Variants in UGT1A9 observed in about 807,000 individuals in gnomAD.
UGT1A9 encodes the protein UDP glucuronosyltransferase family 1 member A9, also known as UDP-glucuronosyltransferase 1A9.
UGT1A9 carries 35 observed loss-of-function variants against 45.0 expected under a neutral mutation model. That is an observed-to-expected ratio of 0.78 (90% CI 0.59 to 1.03). The LOEUF is 1.03. UGT1A9 is among the 50% of genes least tolerant of loss of function. The pLI, the probability that UGT1A9 is intolerant of heterozygous loss-of-function variation, is 0.00. For synonymous variants in UGT1A9, 278 were observed against 250.6 expected (o/e 1.11, Z -1.03); for missense variants, 687 against 666.6 (o/e 1.03, Z -0.34).
At chr2:233,725,059 C>T (rs1273678780) in intron 1 of UGT1A9, among the ~76,000 whole-genome samples, 8 of 146,980 alleles carry the variant, frequency 5.4e-5, no homozygotes, top group African/African-American at 1.0e-4. Flanking sequence ...TGGCGGCGCG[C>T]GCCTGCAATC....
rs370790922 is a variant in UGT1A9 at position 233,760,312 on chromosome 2, C to T, written c.856-6722C>T. ...CATGGCTGTGGAGTCCCAGGGCGGACGCCCACTTGTCCTGGGCCTGCTGCT... is the reference window on the plus strand; with the variant it reads ...CATGGCTGTGGAGTCCCAGGGCGGATGCCCACTTGTCCTGGGCCTGCTGCT... On this transcript the variant is annotated intron_variant, in intron 1 of 4. Coordinates refer to ENST00000354728, the MANE Select transcript of UGT1A9 (RefSeq NM_021027.3). 93 of 1,613,694 alleles carry T rather than the reference C, an allele frequency of 5.8e-5. No individual in the cohort carries two copies. Among genetic ancestry groups the T allele is most frequent in the South Asian group, 2.2e-5 (2 of 91,058 alleles).
intron 1 of UGT1A9, among the ~76,000 whole-genome samples, chr2:233,731,482 G>A (rs562723642): frequency 2.0e-5 from 3 of 152,088 alleles, no homozygotes; most frequent in African/African-American, 7.2e-5. Flanking sequence ...TCCCTGGCCT[G>A]TGTCCAGTGT....
intron 1 of UGT1A9, among the ~76,000 whole-genome samples, chr2:233,717,599 A>T (rs1437160021): frequency 6.6e-6 from 1 of 152,232 alleles, no homozygotes; most frequent in African/African-American, 2.4e-5. Flanking sequence ...TGAGATGGAA[A>T]GTGGGCACAG....
rs28898583 is a variant in UGT1A9, at chr2:233,699,673, G to A, written c.855+26884G>A. ...CCTGAATACAGGCTGAAACTTTCTCGCTGAGAGGTGATAAAAACAATGAAT... is the reference window on the plus strand; with the variant it reads ...CCTGAATACAGGCTGAAACTTTCTCACTGAGAGGTGATAAAAACAATGAAT... On this transcript the variant is annotated intron_variant, in intron 1 of 4. Coordinates refer to ENST00000354728, the MANE Select transcript of UGT1A9 (RefSeq NM_021027.3). Among the ~76,000 whole-genome samples, 368 of 152,258 alleles carry A rather than the reference G, an allele frequency of 2.4e-3. 1 individual carries two copies. The highest frequency in any genetic ancestry group is 8.3e-3 in the African/African-American group (344 of 41,534).
Position 233,672,123 on chromosome 2 carries a change from T to C in UGT1A9, c.189T>C (p.Ser63=), listed in dbSNP as rs758097643. The change falls in exon 1 of 5, where the codon AGT becomes AGC. Residue 63 remains serine, a synonymous_variant. Coordinates refer to ENST00000354728, the MANE Select transcript of UGT1A9 (RefSeq NM_021027.3). ...TGGTTGTAGTCATGCCAGAGGTGAG[T>C]TGGCAACTGGGAAGATCACTGAATT... The part of the protein sequence containing the change: ...HEVVVVMPEV[S]WQLGRSLNCT... The C allele has an allele frequency of 3.1e-6, 5 of 1,614,100 alleles. No individual in the cohort carries two copies. In the South Asian group the frequency reaches 3.3e-5, roughly 11 times the overall value.
chr2:233,686,068 G>T (rs2074771450), intron 1 of UGT1A9, among the ~76,000 whole-genome samples: 1 of 152,140 alleles, frequency 6.6e-6, no homozygotes, highest in Non-Finnish European at 1.5e-5. Flanking sequence ...TCAGCAGAGG[G>T]TTCTGGGACA....
chr2:233,678,659 T>C (rs1260907915), intron 1 of UGT1A9, among the ~76,000 whole-genome samples: 3 of 152,250 alleles, frequency 2.0e-5, no homozygotes, highest in African/African-American at 7.2e-5. Context: ...GAAGCATTTC[T>C]ATGAGGCTTG....
chr2:233,754,874 G>C, intron 1 of UGT1A9: 2 of 1,352,006 alleles, frequency 1.5e-6, no homozygotes, highest in Admixed American at 1.9e-5. Flanking sequence ...CTCTGCTTCT[G>C]CTTCCCAGGG....
Position 233,694,053 on chromosome 2 carries a change from G to A in UGT1A9, c.855+21264G>A, listed in dbSNP as rs1403841501. Among the ~76,000 whole-genome samples the A allele has an allele frequency of 5.3e-5, 8 of 152,180 alleles. No homozygotes were observed. The South Asian group carries it at 8.3e-4, about 16-fold the overall frequency. ...AGGCTGAAGTGATACAGAGGCATTC[G>A]GATGAAGACAGGGCTCATGCTTGGC... On this transcript the variant is annotated intron_variant, in intron 1 of 4. Coordinates refer to ENST00000354728, the MANE Select transcript of UGT1A9 (RefSeq NM_021027.3).
At chr2:233,724,991 G>A (rs997879259) in intron 1 of UGT1A9, among the ~76,000 whole-genome samples, 1 of 144,104 alleles carries the variant, frequency 6.9e-6, no homozygotes, top group African/African-American at 2.7e-5. Context: ...GCGGTTAGGG[G>A]CTGGAGACCG....
At chr2:233,713,388 CATA>C (rs1316037917) in intron 1 of UGT1A9, 2 of 1,614,028 alleles carry the variant, frequency 1.2e-6, no homozygotes, top group Non-Finnish European at 1.7e-6. Flanking sequence ...GGAGCTACTG[CATA>C]ATGAGGCCCT....
At chr2:233,718,861 C>T (rs755547805) in intron 1 of UGT1A9, 3 of 1,613,854 alleles carry the variant, frequency 1.9e-6, no homozygotes, top group East Asian at 2.2e-5. Flanking sequence ...CGGCTGGCCA[C>T]AGGACTGCTG....
chr2:233,706,099 A>AG (rs1029714130), intron 1 of UGT1A9, among the ~76,000 whole-genome samples: 2 of 152,164 alleles, frequency 1.3e-5, no homozygotes, highest in African/African-American at 4.8e-5. Context: ...TGTCTTAAAA[A>AG]AAAACCAAGA....
intron 1 of UGT1A9, among the ~76,000 whole-genome samples, chr2:233,728,192 C>T (rs2077688908): frequency 6.6e-6 from 1 of 152,192 alleles, no homozygotes; most frequent in Non-Finnish European, 1.5e-5. Context: ...GAACTTGGTG[C>T]TGGATTGACT....
chr2:233,680,224 G>T (rs997361200), intron 1 of UGT1A9, among the ~76,000 whole-genome samples: 8 of 152,048 alleles, frequency 5.3e-5, no homozygotes, highest in Non-Finnish European at 1.2e-4. Context: ...TCCCATGGTG[G>T]TATTCAAGGT....
At chr2:233,747,619 C>T (rs988412052) in intron 1 of UGT1A9, 2 of 1,575,824 alleles carry the variant, frequency 1.3e-6, no homozygotes, top group Admixed American at 1.7e-5. Flanking sequence ...CATAATGAGG[C>T]CCTGATCAGG....
chr2:233,701,991 G>A (rs1426208216), intron 1 of UGT1A9, among the ~76,000 whole-genome samples: 2 of 152,100 alleles, frequency 1.3e-5, no homozygotes, highest in African/African-American at 4.8e-5. Context: ...AAATAACTAA[G>A]ATCAGAGCAG....
chr2:233,676,876 G>C (rs182467712), intron 1 of UGT1A9, among the ~76,000 whole-genome samples: 140 of 152,184 alleles, frequency 9.2e-4, no homozygotes, highest in African/African-American at 3.1e-3. Flanking sequence ...GTAAAAACTT[G>C]GTTGTTCATA....
intron 1 of UGT1A9, chr2:233,719,006 C>G (rs899895461): frequency 1.3e-5 from 21 of 1,614,078 alleles, no homozygotes; most frequent in Non-Finnish European, 1.7e-5. Flanking sequence ...TGGTCCTCAC[C>G]CCAGAGGTGA....
Sources: allele counts gnomAD v4.1 joint callset (sites outside exome capture counted in the v4.1 genomes callset), GRCh38; gene constraint gnomAD v4.1.1; transcripts MANE v1.5; gene names NCBI Gene and HGNC (gene_info 2026-07-23, HGNC 2026-07-21).